Variants in SLC61A1 observed in about 807,000 individuals in gnomAD.
The protein encoded by SLC61A1 is solute carrier family 61 member 1.
the SLC61A1 span, chr12:53,252,674 C>T: frequency 1.6e-6 from 2 of 1,218,290 alleles, no homozygotes; most frequent in East Asian, 2.5e-5. Flanking sequence ...CTCCTCCCAC[C>T]CACCCAACTG....
the SLC61A1 span, chr12:53,254,099 G>A: frequency 6.2e-7 from 1 of 1,614,182 alleles, no homozygotes; most frequent in Non-Finnish European, 8.5e-7. Flanking sequence ...GGCTCTGCTG[G>A]CAGTGGTGGG....
At chr12:53,251,375 T>A in the SLC61A1 span, 1 of 228,406 alleles carries the variant, frequency 4.4e-6, no homozygotes, top group Non-Finnish European at 8.7e-6. Flanking sequence ...GCTTTTACCC[T>A]TAGTGAGATG....
chr12:53,252,917 C>T, the SLC61A1 span: 2 of 1,614,204 alleles, frequency 1.2e-6, no homozygotes, highest in Admixed American at 1.7e-5. Flanking sequence ...CCGGGCTAAA[C>T]CCCCTGGAAG....
the SLC61A1 span, chr12:53,254,240 G>T: frequency 6.4e-7 from 1 of 1,573,720 alleles, no homozygotes; most frequent in South Asian, 1.2e-5. Flanking sequence ...CCAGCTATCC[G>T]GGATTGTACA....
the SLC61A1 span, chr12:53,253,040 C>G: frequency 6.2e-7 from 1 of 1,614,258 alleles, no homozygotes; most frequent in Non-Finnish European, 8.5e-7. Flanking sequence ...ACTCTACCAG[C>G]ATTACTACTT....
At chr12:53,253,553 C>G in the SLC61A1 span, 12 of 1,614,066 alleles carry the variant, frequency 7.4e-6, no homozygotes, top group East Asian at 2.7e-4. Flanking sequence ...TGCTGGAGGC[C>G]TGCGCTGCCT....
At chr12:53,252,381 A>G in the SLC61A1 span, 1 of 1,315,444 alleles carries the variant, frequency 7.6e-7, no homozygotes, top group Admixed American at 3.9e-5. Context: ...ATGCACACGC[A>G]TGACCCTGAA....
chr12:53,252,405 C>T, the SLC61A1 span: 4 of 1,293,046 alleles, frequency 3.1e-6, no homozygotes, highest in African/African-American at 3.0e-5. Flanking sequence ...ACTCGAGAGG[C>T]CTGCGCGGGT....
chr12:53,254,233 G>C, the SLC61A1 span: 9 of 1,587,848 alleles, frequency 5.7e-6, no homozygotes, highest in Middle Eastern at 1.7e-4. Flanking sequence ...TTGAATTCCA[G>C]CTATCCGGGA....
At chr12:53,252,469 C>T in the SLC61A1 span, 14 of 1,297,226 alleles carry the variant, frequency 1.1e-5, no homozygotes, top group Non-Finnish European at 1.4e-5. Context: ...AGAGGCTCCG[C>T]AGCGAGGACG....
the SLC61A1 span, chr12:53,252,574 G>A: frequency 3.7e-6 from 5 of 1,352,324 alleles, no homozygotes; most frequent in South Asian, 8.1e-5. Flanking sequence ...CTCTTCACAG[G>A]CAAGGATGGG....
chr12:53,251,435 TTAAA>T, the SLC61A1 span: 2 of 392,388 alleles, frequency 5.1e-6, no homozygotes, highest in Admixed American at 4.2e-5. Context: ...TGTAGAGAGG[TTAAA>T]TAGTTTTTCC....
chr12:53,251,465 G>A, the SLC61A1 span: 1 of 481,662 alleles, frequency 2.1e-6, no homozygotes, highest in Non-Finnish European at 3.7e-6. Flanking sequence ...AAAACAGCTT[G>A]TAAGTGGCAG....
At chr12:53,253,771 G>T in the SLC61A1 span, 1 of 1,614,168 alleles carries the variant, frequency 6.2e-7, no homozygotes, top group African/African-American at 1.3e-5. Flanking sequence ...TTCAGCCCAT[G>T]CACCTGCTGT....
chr12:53,254,130 A>G, the SLC61A1 span: 1 of 1,614,186 alleles, frequency 6.2e-7, no homozygotes, highest in Non-Finnish European at 8.5e-7. Flanking sequence ...GTGGTAAGGC[A>G]TGATGCTGAG....
At chr12:53,253,003 T>TTGGC in the SLC61A1 span, 6 of 1,614,200 alleles carry the variant, frequency 3.7e-6, no homozygotes, top group Non-Finnish European at 5.1e-6. Flanking sequence ...TGGCAGCTGA[T>TTGGC]TGGCTTCAGG....
the SLC61A1 span, chr12:53,253,208 C>G: frequency 2.5e-6 from 4 of 1,614,154 alleles, no homozygotes; most frequent in Non-Finnish European, 3.4e-6. Flanking sequence ...CAAACTCTCT[C>G]AAGACTACTT....
chr12:53,254,223 T>C, the SLC61A1 span: 1 of 1,596,902 alleles, frequency 6.3e-7, no homozygotes, highest in South Asian at 1.1e-5. Flanking sequence ...GGACAGACTC[T>C]TGAATTCCAG....
the SLC61A1 span, chr12:53,251,514 C>G: frequency 5.4e-6 from 3 of 558,374 alleles, no homozygotes; most frequent in Non-Finnish European, 9.4e-6. Flanking sequence ...AGTTCTTAAC[C>G]CCATGCTGCC....
Sources: gnomAD v4.1 joint callset for allele counts on GRCh38, gnomAD v4.1.1 for gene constraint, MANE v1.5 for transcripts, NCBI Gene and HGNC (gene_info 2026-07-23, HGNC 2026-07-21) for gene names.